Variants in FMN1 observed in about 807,000 individuals in gnomAD.
FMN1 encodes formin-1.
Under a neutral mutation model 132.4 loss-of-function variants are expected in FMN1, and 110 were observed. The observed-to-expected ratio is 0.83, with a 90% CI of 0.71 to 0.97. The LOEUF (loss-of-function observed/expected upper bound fraction) is 0.97, where lower values mean the gene tolerates loss of function less well. FMN1 is among the 50% of genes least tolerant of loss of function. FMN1 has a pLI of 0.00. For synonymous variants in FMN1, 722 were observed against 651.7 expected (o/e 1.11, Z -1.64); for missense variants, 1,792 against 1,705.3 (o/e 1.05, Z -0.90).
At chr15:32,933,968 T>C (rs2061191047) in intron 9 of FMN1, among the ~76,000 whole-genome samples, 1 of 152,184 alleles carries the variant, frequency 6.6e-6, no homozygotes, top group Non-Finnish European at 1.5e-5. Flanking sequence ...ATTTTCTCTA[T>C]TTGCATTTAA....
At chr15:33,011,643 GATCA>G (rs1483317284) in intron 6 of FMN1, among the ~76,000 whole-genome samples, 6 of 151,940 alleles carry the variant, frequency 3.9e-5, no homozygotes, top group Non-Finnish European at 7.4e-5. Flanking sequence ...ATTGACAATA[GATCA>G]ATCTATCATC....
chr15:33,010,770 T>A lies in FMN1; in HGVS notation c.2162-2695A>T, dbSNP rs140231247. Among the ~76,000 whole-genome samples the A allele has an allele frequency of 8.6e-3, 1,314 of 152,132 alleles. 15 individuals carry two copies. The highest frequency in any genetic ancestry group is 0.03 in the African/African-American group (1,251 of 41,524). Reference sequence around the variant, plus strand: ...CAAAAATATACAAAAATCCTCATAGTAGCAGTTTAAAAAAGAAAAGCATAA... The same window carrying A: ...CAAAAATATACAAAAATCCTCATAGAAGCAGTTTAAAAAAGAAAAGCATAA... On this transcript the variant is annotated intron_variant, in intron 6 of 20. Coordinates refer to ENST00000616417, the MANE Select transcript of FMN1 (RefSeq NM_001277313.2).
intron 19 of FMN1, among the ~76,000 whole-genome samples, chr15:32,777,508 A>ATATATTATATTTATATATT (rs1567149243): frequency 7.3e-5 from 7 of 96,548 alleles, no homozygotes; most frequent in African/African-American, 9.5e-5. Flanking sequence ...TATAACATAT[A>ATATATTATATTTATATATT]ACACATTTAT....
chr15:32,933,785 T>C (rs1018494041), intron 9 of FMN1, among the ~76,000 whole-genome samples: 3 of 152,194 alleles, frequency 2.0e-5, no homozygotes, highest in African/African-American at 4.8e-5. Context: ...GGATTGTTTT[T>C]AGTTTAGCTA....
intron 6 of FMN1, among the ~76,000 whole-genome samples, chr15:33,041,218 C>T (rs946334486): frequency 6.6e-5 from 10 of 151,706 alleles, no homozygotes; most frequent in Admixed American, 1.3e-4. Flanking sequence ...AACTACTTTT[C>T]GTGAAGAATA....
chr15:32,960,246 G>C (rs983168741), intron 9 of FMN1, among the ~76,000 whole-genome samples: 2 of 152,146 alleles, frequency 1.3e-5, no homozygotes, highest in African/African-American at 2.4e-5. Flanking sequence ...GAGAGAGGGT[G>C]GGGTGAGAGC....
At chr15:33,141,578 A>G (rs1964012183) in intron 4 of FMN1, among the ~76,000 whole-genome samples, 2 of 152,134 alleles carry the variant, frequency 1.3e-5, no homozygotes, top group African/African-American at 4.8e-5. Flanking sequence ...AGAAGATGCA[A>G]TTTTGACAGA....
At chr15:32,908,603 CAAAAA>C (rs71424680) in intron 11 of FMN1, 25 bp from the exon 12 acceptor site, 6,593 of 596,562 alleles carry the variant, frequency 0.011, no homozygotes, top group Non-Finnish European at 0.013. Flanking sequence ...AAAACAAAAC[CAAAAA>C]AAAAAAAAAA....
chr15:33,038,612 C>A (rs1596527662), intron 6 of FMN1, among the ~76,000 whole-genome samples: 1 of 152,178 alleles, frequency 6.6e-6, no homozygotes, highest in East Asian at 1.9e-4. Flanking sequence ...ATGAAAACAA[C>A]ACGTAAGATT....
intron 17 of FMN1, among the ~76,000 whole-genome samples, chr15:32,808,267 ATAAC>A (rs1227302384): frequency 2.6e-5 from 4 of 152,230 alleles, no homozygotes; most frequent in East Asian, 1.9e-4. Context: ...AGAACTCATG[ATAAC>A]TAACTGCCAA....
At chr15:33,065,452 A>G (rs2037681565) in intron 5 of FMN1, among the ~76,000 whole-genome samples, 1 of 152,234 alleles carries the variant, frequency 6.6e-6, no homozygotes. Context: ...CCGGGACTCC[A>G]GGATTATTTA....
chr15:32,887,371 T>C (rs566263402), intron 16 of FMN1, among the ~76,000 whole-genome samples: 1 of 152,160 alleles, frequency 6.6e-6, no homozygotes, highest in South Asian at 2.1e-4. Flanking sequence ...CCAAGGCAAG[T>C]ATTTATATTC....
intron 20 of FMN1, among the ~76,000 whole-genome samples, chr15:32,776,343 G>A (rs1034017244): frequency 6.6e-6 from 1 of 152,194 alleles, no homozygotes; most frequent in Non-Finnish European, 1.5e-5. Flanking sequence ...CTGGTTTCCA[G>A]CATAGGGAGA....
intron 16 of FMN1, among the ~76,000 whole-genome samples, chr15:32,857,619 G>T (rs182390224): frequency 6.6e-6 from 1 of 152,074 alleles, no homozygotes; most frequent in Non-Finnish European, 1.5e-5. Flanking sequence ...AGACCAGGTC[G>T]GGGAGGACCC....
intron 6 of FMN1, among the ~76,000 whole-genome samples, chr15:33,019,950 C>G (rs992843686): frequency 2.0e-5 from 3 of 152,184 alleles, no homozygotes; most frequent in African/African-American, 7.2e-5. Flanking sequence ...CTGAAGGGCT[C>G]AAGTGTGGCC....
At chr15:32,941,596 T>TTTCATTC (rs1380075531) in intron 9 of FMN1, among the ~76,000 whole-genome samples, 11 of 151,966 alleles carry the variant, frequency 7.2e-5, no homozygotes, top group African/African-American at 2.7e-4. Flanking sequence ...CATACTCACT[T>TTTCATTC]TTCATTCTTC....
intron 2 of FMN1, among the ~76,000 whole-genome samples, chr15:33,185,854 G>A (rs1404878755): frequency 6.6e-6 from 1 of 152,112 alleles, no homozygotes; most frequent in Admixed American, 6.5e-5. Context: ...TTATAGGCAT[G>A]AGCCCCTGTG....
At chr15:32,903,716 C>T (rs577759856) in intron 12 of FMN1, among the ~76,000 whole-genome samples, 127 of 152,294 alleles carry the variant, frequency 8.3e-4, no homozygotes, top group African/African-American at 2.8e-3. Flanking sequence ...TTACCTATAA[C>T]TAATCTCAAA....
At chr15:32,930,831 C>T (rs921997542) in intron 9 of FMN1, among the ~76,000 whole-genome samples, 2 of 152,028 alleles carry the variant, frequency 1.3e-5, no homozygotes, top group Non-Finnish European at 2.9e-5. Context: ...TCAAGTCTCA[C>T]ATTTAAGTTT....
Sources: allele counts gnomAD v4.1 joint callset (sites outside exome capture counted in the v4.1 genomes callset), GRCh38; gene constraint gnomAD v4.1.1; transcripts MANE v1.5; gene names NCBI Gene and HGNC (gene_info 2026-07-23, HGNC 2026-07-21).